The following ZBTB8A variants were observed in gnomAD, a reference collection of about 807,000 sequenced individuals.
The protein encoded by ZBTB8A is zinc finger and BTB domain-containing protein 8A.
A neutral mutation model predicts 37.8 loss-of-function variants in ZBTB8A; 19 were observed. The ratio of observed to expected loss-of-function variants is 0.50; its 90% CI spans 0.35 to 0.74. The LOEUF (loss-of-function observed/expected upper bound fraction) is 0.74. ZBTB8A is among the 30% of genes least tolerant of loss of function. The pLI is 0.01. For missense variants in ZBTB8A, 394 were observed against 537.8 expected (o/e 0.73, Z 2.65); for synonymous variants, 181 against 185.2 (o/e 0.98, Z 0.19).
At chr1:32,575,515 G>A (rs947267212) in intron 2 of ZBTB8A, among the ~76,000 whole-genome samples, 7 of 151,670 alleles carry the variant, frequency 4.6e-5, no homozygotes, top group African/African-American at 9.7e-5. Context: ...GTGAGCCACC[G>A]CGCCCGGCCC....
At chr1:32,563,983 A>C (rs1254572473) in intron 2 of ZBTB8A, among the ~76,000 whole-genome samples, 1 of 152,164 alleles carries the variant, frequency 6.6e-6, no homozygotes, top group Non-Finnish European at 1.5e-5. Context: ...ACATTATGCA[A>C]AATTGATACT....
intron 2 of ZBTB8A, among the ~76,000 whole-genome samples, chr1:32,567,093 A>G (rs1644285642): frequency 6.6e-6 from 1 of 152,218 alleles, no homozygotes; most frequent in East Asian, 1.9e-4. Context: ...TAATTGGCTC[A>G]CAGTTCCACA....
chr1:32,595,264 TG>T (rs763168831), intron 4 of ZBTB8A, 41 bp downstream of exon 4: 2 of 1,600,994 alleles, frequency 1.2e-6, no homozygotes, highest in South Asian at 2.2e-5. Context: ...AATTCTTTTT[TG>T]GTTTTTGTTT....
At chr1:32,594,958 T>G in intron 3 of ZBTB8A, 96 bp from the exon 4 acceptor site, 1 of 1,190,556 alleles carries the variant, frequency 8.4e-7, no homozygotes, top group Non-Finnish European at 1.1e-6. Flanking sequence ...GTTTATTTTT[T>G]TCTTTCCTTG....
At chr1:32,582,694 T>C (rs1644416715) in intron 2 of ZBTB8A, among the ~76,000 whole-genome samples, 1 of 152,160 alleles carries the variant, frequency 6.6e-6, no homozygotes, top group Non-Finnish European at 1.5e-5. Context: ...ATTGATTTAA[T>C]GCTTCTGTAG....
rs1229791111 is a variant in ZBTB8A at position 32,601,514 on chromosome 1, T to A, written c.*1095T>A. 2 of 397,456 alleles carry A rather than the reference T, an allele frequency of 5.0e-6. No individual in the cohort carries two copies. The highest frequency in any genetic ancestry group is 2.6e-4 in the South Asian group (2 of 7,798). 24.6% of individuals were successfully genotyped at this position (397,456 alleles called of 1,614,324 possible). ...AACAAACTAGGAGGTTCTTACCATA[T>A]GTGAGTGATTTCTAACGTTTATGTA... On this transcript the variant is annotated 3_prime_UTR_variant, in exon 5 of 5. Transcript: ENST00000373510.
chr1:32,556,600 G>A (rs895128397), intron 2 of ZBTB8A, among the ~76,000 whole-genome samples: 3 of 152,062 alleles, frequency 2.0e-5, no homozygotes, highest in Admixed American at 6.6e-5. Flanking sequence ...GTATAGGGCC[G>A]GGCACAGTGG....
intron 1 of ZBTB8A, among the ~76,000 whole-genome samples, chr1:32,545,424 A>G (rs1454563234): frequency 6.6e-6 from 1 of 152,146 alleles, no homozygotes; most frequent in Non-Finnish European, 1.5e-5. Flanking sequence ...AATCCTCTTA[A>G]CAGACTTCCT....
intron 2 of ZBTB8A, among the ~76,000 whole-genome samples, chr1:32,586,483 G>A (rs190868955): frequency 3.3e-5 from 5 of 152,202 alleles, no homozygotes; most frequent in Admixed American, 6.5e-5. Context: ...TTTAGTAGGA[G>A]AAGACAGATA....
intron 4 of ZBTB8A, among the ~76,000 whole-genome samples, chr1:32,597,304 T>A (rs1404011484): frequency 1.3e-5 from 2 of 152,136 alleles, no homozygotes; most frequent in East Asian, 3.8e-4. Flanking sequence ...GGTCTTATAT[T>A]TTTAGATATC....
At chr1:32,555,808 A>G (rs924775491) in intron 2 of ZBTB8A, among the ~76,000 whole-genome samples, 7 of 152,184 alleles carry the variant, frequency 4.6e-5, no homozygotes, top group Admixed American at 3.9e-4. Flanking sequence ...CTGAAATCCA[A>G]CATACATAAA....
intron 2 of ZBTB8A, among the ~76,000 whole-genome samples, chr1:32,558,004 A>G (rs1395660397): frequency 6.6e-6 from 1 of 152,174 alleles, no homozygotes; most frequent in Non-Finnish European, 1.5e-5. Context: ...TGATGTTTAC[A>G]TATTTCATCA....
At chr1:32,574,061 A>C (rs911408043) in intron 2 of ZBTB8A, among the ~76,000 whole-genome samples, 4 of 151,898 alleles carry the variant, frequency 2.6e-5, no homozygotes, top group African/African-American at 7.2e-5. Flanking sequence ...GGGCAACAAG[A>C]GCGAAAACTC....
chr1:32,595,042 G>A lies in ZBTB8A; in HGVS notation c.824-12G>A, dbSNP rs192430623. The stretch of plus-strand genomic sequence containing the variant: ...AACTTTCCAGTGATTTAATCAAAGC[G>A]TCTCTTGACAGATGATCTGCCTCGG... On this transcript the variant is annotated splice_polypyrimidine_tract_variant and intron_variant, in intron 3 of 4. Transcript: ENST00000373510. 3.4e-5 allele frequency: 55 copies of A among 1,609,048 alleles called. No homozygotes were observed. In the African/African-American group the frequency reaches 6.2e-4, roughly 18 times the overall value.
At chr1:32,557,763 C>T (rs931102255) in intron 2 of ZBTB8A, among the ~76,000 whole-genome samples, 10 of 152,158 alleles carry the variant, frequency 6.6e-5, no homozygotes, top group Non-Finnish European at 1.3e-4. Flanking sequence ...CGCGCCTGGT[C>T]CATTTTACCA....
chr1:32,554,681 G>C (rs1046276511), intron 2 of ZBTB8A, among the ~76,000 whole-genome samples: 1 of 151,876 alleles, frequency 6.6e-6, no homozygotes, highest in African/African-American at 2.4e-5. Context: ...GTTTCACCAT[G>C]TTGGTCAGGC....
chr1:32,592,903 G>A, intron 2 of ZBTB8A, 28 bp from the exon 3 acceptor site: 2 of 1,539,132 alleles, frequency 1.3e-6, no homozygotes, highest in Non-Finnish European at 1.8e-6. Flanking sequence ...GTAGGTTTTG[G>A]TAACCACATG....
intron 1 of ZBTB8A, among the ~76,000 whole-genome samples, chr1:32,550,440 G>C (rs765512271): frequency 2.0e-5 from 3 of 151,788 alleles, no homozygotes; most frequent in Non-Finnish European, 4.4e-5. Flanking sequence ...AACGTGGTGA[G>C]ACCCCATCTC....
chr1:32,571,278 G>A lies in ZBTB8A; in HGVS notation c.-2+17738G>A, dbSNP rs76355041. On this transcript the variant is annotated intron_variant, in intron 2 of 4. Transcript: ENST00000373510. ...AGCACAAATCTTTGCCCTATTCCCT[G>A]CCTTAGGGGGAAAGCATTTGATCTT... Among the ~76,000 whole-genome samples, 342 of 152,344 alleles carry A rather than the reference G, an allele frequency of 2.2e-3. 10 individuals are homozygous for A. The East Asian group carries it at 0.052, about 23-fold the overall frequency.
Sources: gnomAD v4.1 joint callset for allele counts (sites outside exome capture counted in the v4.1 genomes callset) on GRCh38, gnomAD v4.1.1 for gene constraint, MANE v1.5 for transcripts, NCBI Gene and HGNC (gene_info 2026-07-23, HGNC 2026-07-21) for gene names.